Variants in ALDH1A2 observed in about 807,000 individuals in gnomAD.
ALDH1A2 encodes aldehyde dehydrogenase 1 family member A2.
In ALDH1A2, 27 loss-of-function variants were observed where a neutral mutation model predicts 60.3. The ratio of observed to expected loss-of-function variants is 0.45; its 90% CI spans 0.33 to 0.62. ALDH1A2 has a LOEUF of 0.62. Among genes scored for constraint, ALDH1A2 ranks in the 20% least tolerant of loss-of-function variants. The pLI is 0.02. For synonymous variants in ALDH1A2, 289 were observed against 232.4 expected (o/e 1.24, Z -2.21); for missense variants, 581 against 643.8 (o/e 0.90, Z 1.06).
At chr15:57,970,145 A>C (rs1894015251) in intron 7 of ALDH1A2, among the ~76,000 whole-genome samples, 1 of 152,278 alleles carries the variant, frequency 6.6e-6, no homozygotes, top group African/African-American at 2.4e-5. Context: ...CTTATGAAGC[A>C]GAAGTAGCTT....
chr15:58,033,264 A>C (rs1896291780), intron 1 of ALDH1A2, among the ~76,000 whole-genome samples: 1 of 151,710 alleles, frequency 6.6e-6, no homozygotes, highest in African/African-American at 2.4e-5. Flanking sequence ...TATTGGGATT[A>C]TATTTAGTGT....
chr15:57,989,592 G>A (rs1449748282), intron 7 of ALDH1A2, among the ~76,000 whole-genome samples: 2 of 152,174 alleles, frequency 1.3e-5, no homozygotes, highest in Non-Finnish European at 2.9e-5. Flanking sequence ...GAAATTTCCT[G>A]TATAGTTTGG....
intron 9 of ALDH1A2, 130 bp from the exon 10 acceptor site, chr15:57,962,306 C>T (rs536945713): frequency 8.8e-7 from 1 of 1,135,340 alleles, no homozygotes; most frequent in African/African-American, 1.6e-5. Flanking sequence ...TCATATAAAA[C>T]TGCTGTTACT....
chr15:58,048,831 T>A (rs1896701040), intron 1 of ALDH1A2, among the ~76,000 whole-genome samples: 1 of 152,010 alleles, frequency 6.6e-6, no homozygotes, highest in African/African-American at 2.4e-5. Context: ...ATCTTAATAC[T>A]CTGTTAAGGT....
At chr15:57,965,466 C>A (rs1441499447) in intron 8 of ALDH1A2, among the ~76,000 whole-genome samples, 2 of 152,210 alleles carry the variant, frequency 1.3e-5, no homozygotes, top group African/African-American at 4.8e-5. Context: ...ATGCCACTGA[C>A]CAAGCCTTCA....
At chr15:57,985,729 G>C (rs1282252354) in intron 7 of ALDH1A2, among the ~76,000 whole-genome samples, 1 of 152,098 alleles carries the variant, frequency 6.6e-6, no homozygotes, top group Non-Finnish European at 1.5e-5. Flanking sequence ...TTGAGGTACT[G>C]AGAAGGCCTA....
At chr15:58,059,279 A>G (rs531377263) in intron 1 of ALDH1A2, among the ~76,000 whole-genome samples, 23 of 152,348 alleles carry the variant, frequency 1.5e-4, no homozygotes, top group Non-Finnish European at 2.5e-4. Flanking sequence ...TTGGGGGGAA[A>G]TGAATGGCTT....
rs938424939 is a variant in ALDH1A2 at position 58,013,890 on chromosome 15, C to G, written c.331G>C (p.Asp111His). 3 of 1,614,102 alleles carry G rather than the reference C, an allele frequency of 1.9e-6. No homozygotes were observed. The highest frequency in any genetic ancestry group is 2.5e-6 in the Non-Finnish European group (3 of 1,180,038). ...ERGRLLDKLADLVERDRAVLA... is the reference protein window; with the variant it reads ...ERGRLLDKLAHLVERDRAVLA... ...ACTGCCCTGTCCCGTTCCACCAAGT[C>G]TGCAAGCTTATCCAACAGACGTCCC... The change falls in exon 3 of 13, where the codon GAC becomes CAC. Residue 111 changes from aspartate to histidine, a missense_variant. Asp to His is a moderately conservative substitution (Grantham distance 81). This residue lies in a region of ALDH1A2 where 206 missense variants were observed against 174.1 expected (regional missense o/e 1.18). Transcript: ENST00000249750.
intron 1 of ALDH1A2, among the ~76,000 whole-genome samples, chr15:58,022,791 G>A (rs1895967819): frequency 6.6e-6 from 1 of 152,044 alleles, no homozygotes; most frequent in African/African-American, 2.4e-5. Flanking sequence ...CTACACCACT[G>A]CATCCACCCA....
intron 4 of ALDH1A2, among the ~76,000 whole-genome samples, chr15:57,997,439 CAG>C (rs766403070): frequency 9.2e-5 from 14 of 151,712 alleles, no homozygotes; most frequent in African/African-American, 2.9e-4. Context: ...ACCACAGAAT[CAG>C]AGAGTAATGT....
intron 7 of ALDH1A2, among the ~76,000 whole-genome samples, chr15:57,988,067 G>A (rs1156297635): frequency 6.6e-6 from 1 of 152,154 alleles, no homozygotes; most frequent in East Asian, 1.9e-4. Context: ...GGAATAGCAA[G>A]TATGTGAGTA....
chr15:58,025,066 T>C (rs1166095746), intron 1 of ALDH1A2, among the ~76,000 whole-genome samples: 4 of 152,060 alleles, frequency 2.6e-5, no homozygotes, highest in African/African-American at 7.2e-5. Context: ...AATTAATGCC[T>C]ACATCTAAAA....
At chr15:57,967,243 G>A (rs1345595262) in intron 7 of ALDH1A2, among the ~76,000 whole-genome samples, 18 of 150,774 alleles carry the variant, frequency 1.2e-4, no homozygotes, top group African/African-American at 4.2e-4. Context: ...TTTACTATCT[G>A]AGCCTTGGAT....
intron 12 of ALDH1A2, among the ~76,000 whole-genome samples, chr15:57,959,278 GGAAAT>G (rs1893642869): frequency 6.6e-6 from 1 of 152,198 alleles, no homozygotes; most frequent in South Asian, 2.1e-4. Context: ...CATAGAGGAA[GGAAAT>G]GAAATAAGAA....
intron 4 of ALDH1A2, among the ~76,000 whole-genome samples, chr15:58,000,955 T>C (rs1410346008): frequency 6.7e-6 from 1 of 149,232 alleles, no homozygotes; most frequent in Admixed American, 6.8e-5. Context: ...TTTGTCTCTC[T>C]AATAACTCTA....
At chr15:58,059,043 C>T (rs762024689) in intron 1 of ALDH1A2, among the ~76,000 whole-genome samples, 1 of 152,062 alleles carries the variant, frequency 6.6e-6, no homozygotes, top group Admixed American at 6.5e-5. Context: ...TGTAAATAAA[C>T]CTGCTGTAAA....
rs2051501278 is a variant in ALDH1A2 at position 57,955,012 on chromosome 15, T to C, written c.*185A>G. On this transcript the variant is annotated 3_prime_UTR_variant, in exon 13 of 13. Transcript: ENST00000249750. The stretch of plus-strand genomic sequence containing the variant: ...ATGATTAAGGTGGCCCCTTACAGAG[T>C]GCCAAGAAACTGTACCCAGCTGGTT... The C allele has an allele frequency of 1.5e-6, 1 of 689,214 alleles. No homozygotes were observed. The highest frequency in any genetic ancestry group is 2.6e-6 in the Non-Finnish European group (1 of 383,432). The allele number at this position is 689,214 out of a possible 1,614,324, so 42.7% of individuals were successfully genotyped here.
intron 4 of ALDH1A2, among the ~76,000 whole-genome samples, chr15:58,010,158 T>TA (rs1381621360): frequency 6.6e-6 from 1 of 152,060 alleles, no homozygotes; most frequent in Non-Finnish European, 1.5e-5. Flanking sequence ...GTTCGAGAAA[T>TA]ATAGAAAGTA....
chr15:58,016,168 C>T (rs188579137), intron 1 of ALDH1A2, among the ~76,000 whole-genome samples: 81 of 148,582 alleles, frequency 5.5e-4, no homozygotes, highest in African/African-American at 1.9e-3. Flanking sequence ...TAAGACAGAG[C>T]CTTGATCTGT....
Sources: allele counts gnomAD v4.1 joint callset (sites outside exome capture counted in the v4.1 genomes callset), GRCh38; gene constraint gnomAD v4.1.1; regional missense constraint gnomAD v4.1.1; transcripts MANE v1.5; gene names NCBI Gene and HGNC (gene_info 2026-07-23, HGNC 2026-07-21).